The following ZNF385D variants were observed in gnomAD, a reference collection of about 807,000 sequenced individuals.
ZNF385D encodes zinc finger protein 659.
In ZNF385D, 15 loss-of-function variants were observed where a neutral mutation model predicts 35.8. The ratio of observed to expected loss-of-function variants is 0.42; its 90% confidence interval spans 0.28 to 0.64. The LOEUF is 0.64. ZNF385D is among the 30% of genes least tolerant of loss of function. ZNF385D has a pLI of 0.23. For synonymous variants in ZNF385D, 212 were observed against 186.8 expected (o/e 1.13, Z -1.10); for missense variants, 474 against 494.6 (o/e 0.96, Z 0.39).
At chr3:21,814,253 T>G (rs987837695) in intron 3 of ZNF385D, among the ~76,000 whole-genome samples, 15 of 152,114 alleles carry the variant, frequency 9.9e-5, no homozygotes, top group Admixed American at 9.8e-4. Flanking sequence ...ATATGCCAAA[T>G]TGTAAAGACC....
At chr3:21,834,774 T>TCTTGGAA (rs1695220674) in intron 3 of ZNF385D, among the ~76,000 whole-genome samples, 1 of 151,392 alleles carries the variant, frequency 6.6e-6, no homozygotes, top group South Asian at 2.1e-4. Context: ...GATGAATGGA[T>TCTTGGAA]CTTGGGGCAG....
At chr3:21,791,418 A>G (rs978519694) in intron 3 of ZNF385D, among the ~76,000 whole-genome samples, 1 of 152,236 alleles carries the variant, frequency 6.6e-6, no homozygotes, top group Non-Finnish European at 1.5e-5. Flanking sequence ...GACAAGAAGC[A>G]GGAGGTATCC....
intron 2 of ZNF385D, among the ~76,000 whole-genome samples, chr3:21,600,874 T>A (rs2064266796): frequency 8.6e-6 from 1 of 116,380 alleles, no homozygotes; most frequent in Non-Finnish European, 1.7e-5. Flanking sequence ...TTCTCAAATT[T>A]AAAAATAATA....
intron 3 of ZNF385D, among the ~76,000 whole-genome samples, chr3:21,926,476 A>G (rs1022951141): frequency 2.0e-5 from 3 of 152,004 alleles, no homozygotes; most frequent in Non-Finnish European, 4.4e-5. Flanking sequence ...ATCCTTTTTT[A>G]TGGCTGCATA....
intron 2 of ZNF385D, among the ~76,000 whole-genome samples, chr3:22,224,658 C>G (rs1698451163): frequency 6.6e-6 from 1 of 152,166 alleles, no homozygotes; most frequent in Non-Finnish European, 1.5e-5. Context: ...GTGAGACAAT[C>G]TTTTGTCAGC....
At chr3:22,172,854 A>C (rs1299899423) in intron 2 of ZNF385D, among the ~76,000 whole-genome samples, 2 of 152,222 alleles carry the variant, frequency 1.3e-5, no homozygotes, top group African/African-American at 4.8e-5. Flanking sequence ...CCTCCATTCA[A>C]AGCGGGATAG....
intron 3 of ZNF385D, among the ~76,000 whole-genome samples, chr3:21,885,514 G>A (rs1382489324): frequency 1.3e-5 from 2 of 151,862 alleles, no homozygotes; most frequent in African/African-American, 2.4e-5. Context: ...AACTCCATTT[G>A]TCAAATCATG....
At chr3:21,855,208 G>A (rs1318285055) in intron 3 of ZNF385D, among the ~76,000 whole-genome samples, 2 of 151,964 alleles carry the variant, frequency 1.3e-5, no homozygotes, top group African/African-American at 4.8e-5. Context: ...TAGCAATCTA[G>A]TCCTTGCATA....
intron 2 of ZNF385D, among the ~76,000 whole-genome samples, chr3:21,653,316 AAATG>A (rs1208868930): frequency 2.0e-5 from 3 of 152,088 alleles, no homozygotes; most frequent in Admixed American, 6.6e-5. Context: ...ATATATGTAT[AAATG>A]AAGTATATCA....
intron 1 of ZNF385D, among the ~76,000 whole-genome samples, chr3:21,733,529 T>G (rs1040852636): frequency 2.6e-5 from 4 of 152,232 alleles, no homozygotes; most frequent in Non-Finnish European, 5.9e-5. Context: ...AAATACTGTT[T>G]TCTAACTTTG....
chr3:21,721,051 A>T lies in ZNF385D; in HGVS notation c.22+29844T>A, dbSNP rs184468280. Among the ~76,000 whole-genome samples the T allele has an allele frequency of 5.9e-5, 9 of 152,334 alleles. No homozygotes were observed. The East Asian group carries it at 1.7e-3, about 29-fold the overall frequency. On this transcript the variant is annotated intron_variant, in intron 1 of 7. Coordinates refer to ENST00000281523, the MANE Select transcript of ZNF385D (RefSeq NM_024697.3). ...AAAACATATCCTTTCTTATCAAAAG[A>T]AAGTTGTAACAGGTTTTTTTTTTCT...
At chr3:21,476,188 A>C (rs1704233155) in intron 4 of ZNF385D, among the ~76,000 whole-genome samples, 1 of 152,110 alleles carries the variant, frequency 6.6e-6, no homozygotes, top group South Asian at 2.1e-4. Context: ...ACTCAACTGA[A>C]ATATAGGATT....
At chr3:21,791,839 A>G (rs2071941826) in intron 3 of ZNF385D, among the ~76,000 whole-genome samples, 2 of 151,980 alleles carry the variant, frequency 1.3e-5, no homozygotes, top group Non-Finnish European at 2.9e-5. Flanking sequence ...GGTTCAAGCA[A>G]TTCTCCTGCC....
chr3:22,070,179 A>T (rs1700160659), intron 3 of ZNF385D, among the ~76,000 whole-genome samples: 1 of 152,184 alleles, frequency 6.6e-6, no homozygotes, highest in South Asian at 2.1e-4. Context: ...AACAAGCATT[A>T]TCTACTCACA....
At chr3:21,897,162 G>GT (rs1288687897) in intron 3 of ZNF385D, among the ~76,000 whole-genome samples, 2 of 152,108 alleles carry the variant, frequency 1.3e-5, no homozygotes, top group East Asian at 1.9e-4. Flanking sequence ...GTTTGGAGGG[G>GT]TTTTTTACTA....
chr3:22,134,877 C>A (rs1704013381), intron 3 of ZNF385D, among the ~76,000 whole-genome samples: 1 of 152,160 alleles, frequency 6.6e-6, no homozygotes, highest in South Asian at 2.1e-4. Flanking sequence ...CGCATTATGA[C>A]AGAACCCTCA....
At chr3:22,182,638 T>C (rs1463716) in intron 2 of ZNF385D, among the ~76,000 whole-genome samples, 29,706 of 151,604 alleles carry the variant, frequency 0.2, 2,999 homozygotes, top group African/African-American at 0.22. Flanking sequence ...AAAGATAAAC[T>C]AGGTAGTATT....
intron 2 of ZNF385D, among the ~76,000 whole-genome samples, chr3:21,584,360 C>A (rs1192535875): frequency 1.3e-5 from 2 of 152,168 alleles, no homozygotes; most frequent in Non-Finnish European, 2.9e-5. Flanking sequence ...CAGACTTTGT[C>A]TGTGAGTGAC....
chr3:22,059,349 C>T (rs1477222433), intron 3 of ZNF385D, among the ~76,000 whole-genome samples: 1 of 151,016 alleles, frequency 6.6e-6, no homozygotes, highest in Non-Finnish European at 1.5e-5. Context: ...ATTTCTAAAG[C>T]TTCCCAGGTG....
Sources: allele counts gnomAD v4.1 joint callset (sites outside exome capture counted in the v4.1 genomes callset), GRCh38; gene constraint gnomAD v4.1.1; transcripts MANE v1.5; gene names NCBI Gene and HGNC (gene_info 2026-07-23, HGNC 2026-07-21).